DRC11: variants seen among roughly 807,000 people sequenced by gnomAD.
DRC11 encodes the protein dynein regulatory complex subunit 11.
At chr2:236,439,594 A>C in the DRC11 span, among the ~76,000 whole-genome samples, 4 of 152,164 alleles carry the variant, frequency 2.6e-5, no homozygotes. Context: ...ATAATTTGTC[A>C]ATATAATTTC....
chr2:236,404,042 C>T, the DRC11 span, among the ~76,000 whole-genome samples: 1 of 151,952 alleles, frequency 6.6e-6, no homozygotes, highest in Admixed American at 6.5e-5. Context: ...CACTCTGGCC[C>T]ACTTCCTGAG....
At chr2:236,357,544 ATAT>A in the DRC11 span, among the ~76,000 whole-genome samples, 72 of 127,152 alleles carry the variant, frequency 5.7e-4, no homozygotes, top group East Asian at 6.3e-3. Context: ...TATAATTTAT[ATAT>A]TATTACATAT....
the DRC11 span, among the ~76,000 whole-genome samples, chr2:236,461,808 G>A: frequency 6.6e-6 from 1 of 152,172 alleles, no homozygotes; most frequent in East Asian, 1.9e-4. This position sits in a 1 kb window ranked among gnomAD's most constrained non-coding sequence, Gnocchi z 4.0. Flanking sequence ...GGAAGCAATG[G>A]CTCCAGTTTG....
chr2:236,345,320 C>G, the DRC11 span, among the ~76,000 whole-genome samples: 8 of 152,180 alleles, frequency 5.3e-5, no homozygotes, highest in South Asian at 2.1e-4. Flanking sequence ...GTCCCCACCC[C>G]CCCCAACCGC....
chr2:236,392,195 T>G, the DRC11 span: 1 of 1,473,968 alleles, frequency 6.8e-7, no homozygotes, highest in Non-Finnish European at 9.5e-7. The surrounding 1 kb of genome is among the most constrained non-coding windows in gnomAD (Gnocchi z 5.1). Flanking sequence ...AGAAGCACAA[T>G]GGTTGAAGTA....
chr2:236,362,335 C>A, the DRC11 span, among the ~76,000 whole-genome samples: 1 of 152,158 alleles, frequency 6.6e-6, no homozygotes, highest in Non-Finnish European at 1.5e-5. The surrounding 1 kb of genome is among the most constrained non-coding windows in gnomAD (Gnocchi z 5.7). Context: ...TCTCTGCCAC[C>A]CTTAAGACAG....
the DRC11 span, among the ~76,000 whole-genome samples, chr2:236,433,617 T>C: frequency 2.0e-5 from 3 of 152,342 alleles, no homozygotes; most frequent in East Asian, 5.8e-4. Flanking sequence ...GCTTCTCATA[T>C]TATTTAAAGT....
At chr2:236,486,721 A>T in the DRC11 span, 1 of 770,154 alleles carries the variant, frequency 1.3e-6, no homozygotes, top group African/African-American at 1.8e-5. The surrounding 1 kb of genome is among the most constrained non-coding windows in gnomAD (Gnocchi z 5.7). Context: ...CCATTAAATC[A>T]TTTATTTTTC....
At chr2:236,491,246 G>GTATATATATATATA in the DRC11 span, among the ~76,000 whole-genome samples, 6 of 23,748 alleles carry the variant, frequency 2.5e-4, no homozygotes, top group African/African-American at 7.9e-4. Flanking sequence ...TATATACACA[G>GTATATATATATATA]TATATATATA....
At chr2:236,346,904 A>G in the DRC11 span, among the ~76,000 whole-genome samples, 1 of 152,206 alleles carries the variant, frequency 6.6e-6, no homozygotes, top group Non-Finnish European at 1.5e-5. Context: ...TAACTGGCCT[A>G]TGACCTTCTA....
the DRC11 span, among the ~76,000 whole-genome samples, chr2:236,322,121 T>C: frequency 2.6e-5 from 4 of 152,176 alleles, no homozygotes; most frequent in Admixed American, 1.3e-4. Flanking sequence ...ACTCTTGGTC[T>C]GTAAGAGAGA....
At chr2:236,459,527 ATGTATACGTATACGTATACG>A in the DRC11 span, among the ~76,000 whole-genome samples, 1 of 69,604 alleles carries the variant, frequency 1.4e-5, no homozygotes, top group African/African-American at 6.4e-5. Flanking sequence ...ACATGTATAC[ATGTATACGTATACGTATACG>A]TATACATGTA....
At chr2:236,325,443 T>G in the DRC11 span, among the ~76,000 whole-genome samples, 32,699 of 152,042 alleles carry the variant, frequency 0.22, 3,894 homozygotes, top group Middle Eastern at 0.32. The surrounding 1 kb of genome is among the most constrained non-coding windows in gnomAD (Gnocchi z 4.4). Flanking sequence ...TTTTTACAAA[T>G]CTCCTTGTAA....
chr2:236,428,343 C>A, the DRC11 span, among the ~76,000 whole-genome samples: 1 of 152,020 alleles, frequency 6.6e-6, no homozygotes, highest in African/African-American at 2.4e-5. Context: ...CTGAAATTCC[C>A]TACTATTATT....
the DRC11 span, chr2:236,407,999 G>A: frequency 7.1e-5 from 39 of 550,980 alleles, no homozygotes; most frequent in African/African-American, 3.0e-4. Context: ...TCCAGAGCCC[G>A]CTGTTTGGTC....
the DRC11 span, among the ~76,000 whole-genome samples, chr2:236,451,301 T>G: frequency 2.0e-5 from 3 of 151,964 alleles, no homozygotes; most frequent in East Asian, 5.8e-4. Context: ...TAAGCTGTCT[T>G]GTTTAAAAAA....
chr2:236,384,682 A>G, the DRC11 span, among the ~76,000 whole-genome samples: 1 of 151,414 alleles, frequency 6.6e-6, no homozygotes, highest in Non-Finnish European at 1.5e-5. Flanking sequence ...CCATTTGTCA[A>G]TTTTGGCTTT....
the DRC11 span, among the ~76,000 whole-genome samples, chr2:236,353,034 C>T: frequency 6.6e-6 from 1 of 152,222 alleles, no homozygotes; most frequent in Admixed American, 6.5e-5. The surrounding 1 kb of genome is among the most constrained non-coding windows in gnomAD (Gnocchi z 5.0). Flanking sequence ...CTACACTCTT[C>T]TCCTCGACAA....
chr2:236,332,076 C>T, the DRC11 span: 1 of 163,906 alleles, frequency 6.1e-6, no homozygotes, highest in Non-Finnish European at 1.4e-5. This position sits in a 1 kb window ranked among gnomAD's most constrained non-coding sequence, Gnocchi z 5.1. Flanking sequence ...CAGTTTTCAT[C>T]AGCTACTGCC....
Sources: allele counts gnomAD v4.1 joint callset (sites outside exome capture counted in the v4.1 genomes callset), GRCh38; gene constraint gnomAD v4.1.1; non-coding constraint Gnocchi (gnomAD v3.1); transcripts MANE v1.5; gene names NCBI Gene and HGNC (gene_info 2026-07-23, HGNC 2026-07-21).